Variants in NLRP3 observed in about 807,000 individuals in gnomAD.
The protein encoded by NLRP3 is NACHT, LRR and PYD domains-containing protein 3.
A neutral mutation model predicts 91.3 loss-of-function variants in NLRP3; 48 were observed. That is an observed-to-expected ratio of 0.53 (90% CI 0.42 to 0.67). The LOEUF is 0.67. Ranked by LOEUF, NLRP3 falls within the 30% of genes least tolerant of loss-of-function variation. NLRP3 has a pLI of 0.00. For missense variants in NLRP3, 982 were observed against 1,276.9 expected, an observed-to-expected ratio of 0.77 and a Z score of 3.52; for synonymous variants, 561 against 507.9, an observed-to-expected ratio of 1.10 and a Z score of -1.41.
rs765198709 is a variant in NLRP3 at position 247,425,507 on chromosome 1, C to T, written c.2058C>T (p.Pro686=). The part of the protein sequence containing the change: ...SLSLGFLHNM[P]KEEEEEEKEG... ...CCCTGGGGTTTCTCCATAACATGCC[C>T]AAGGAGGAAGAGGAGGAGGAAAAGG... Residue 686 remains proline (P), a synonymous_variant, in exon 4 of 10, where the codon CCC becomes CCT. Coordinates refer to ENST00000336119, the MANE Select transcript of NLRP3 (RefSeq NM_001243133.2). The surrounding 1 kb of genome is among the most constrained non-coding windows in gnomAD (Gnocchi z 4.1). The T allele has an allele frequency of 6.8e-6, 11 of 1,613,986 alleles. No homozygotes were observed. In the East Asian group the frequency reaches 2.2e-4, roughly 33 times the overall value.
chr1:247,426,096 A>G (rs528357698), intron 4 of NLRP3, among the ~76,000 whole-genome samples: 1 of 152,230 alleles, frequency 6.6e-6, no homozygotes, highest in Non-Finnish European at 1.5e-5. Context: ...AAGAAATTAA[A>G]GGAATTCTGC....
intron 4 of NLRP3, among the ~76,000 whole-genome samples, chr1:247,427,099 G>T (rs1169193360): frequency 6.6e-6 from 1 of 152,224 alleles, no homozygotes. Flanking sequence ...GGCTCTGGCA[G>T]ATCTGGTGTT....
At chr1:247,435,460 C>G (rs749395559) in intron 6 of NLRP3, among the ~76,000 whole-genome samples, 1 of 152,168 alleles carries the variant, frequency 6.6e-6, no homozygotes, top group Admixed American at 6.5e-5. Context: ...GTAAGATAAG[C>G]TAGACTCGAA....
intron 7 of NLRP3, among the ~76,000 whole-genome samples, chr1:247,440,119 G>C (rs937567526): frequency 2.0e-5 from 3 of 152,022 alleles, no homozygotes; most frequent in Non-Finnish European, 4.4e-5. Flanking sequence ...CTATGTGTTA[G>C]GTATAGCCTA....
At chr1:247,430,739 A>C (rs1663254411) in intron 5 of NLRP3, among the ~76,000 whole-genome samples, 1 of 152,062 alleles carries the variant, frequency 6.6e-6, no homozygotes, top group Admixed American at 6.6e-5. Flanking sequence ...GCCATTTACA[A>C]CAATGGCAAC....
chr1:247,428,805 T>TG (rs1663095257), intron 4 of NLRP3, among the ~76,000 whole-genome samples: 1 of 152,002 alleles, frequency 6.6e-6, no homozygotes, highest in Admixed American at 6.6e-5. Flanking sequence ...GGGTTTCATC[T>TG]GAAAAAAAAT....
intron 6 of NLRP3, among the ~76,000 whole-genome samples, chr1:247,435,049 C>T (rs539306743): frequency 2.0e-5 from 3 of 152,118 alleles, no homozygotes; most frequent in South Asian, 2.1e-4. Context: ...GTCGGGAGTT[C>T]GAGACTAGCC....
intron 4 of NLRP3, among the ~76,000 whole-genome samples, chr1:247,428,067 G>A (rs1048458045): frequency 8.4e-4 from 122 of 144,462 alleles, no homozygotes; most frequent in African/African-American, 3.1e-3. Flanking sequence ...AGCCCCGGTA[G>A]GAGGCTCAGC....
chr1:247,422,946 A>G (rs1022655628), intron 2 of NLRP3, among the ~76,000 whole-genome samples: 1 of 152,226 alleles, frequency 6.6e-6, no homozygotes, highest in African/African-American at 2.4e-5. Context: ...CCTGCTTCGC[A>G]TGTTTGCTGA....
At chr1:247,432,109 T>G (rs1295041097) in intron 5 of NLRP3, among the ~76,000 whole-genome samples, 1 of 152,220 alleles carries the variant, frequency 6.6e-6, no homozygotes, top group Non-Finnish European at 1.5e-5. Flanking sequence ...GGTCTCAAAC[T>G]CCTGACCTCG....
At chr1:247,435,129 G>A (rs1456027595) in intron 6 of NLRP3, among the ~76,000 whole-genome samples, 3 of 152,074 alleles carry the variant, frequency 2.0e-5, no homozygotes, top group Non-Finnish European at 4.4e-5. Flanking sequence ...GTGCATGCCT[G>A]TAATCCCAGT....
intron 2 of NLRP3, among the ~76,000 whole-genome samples, chr1:247,421,383 G>A (rs1217548177): frequency 1.3e-5 from 2 of 152,174 alleles, no homozygotes; most frequent in Non-Finnish European, 1.5e-5. Flanking sequence ...CTACTCAGGA[G>A]GCTAAGGCAG....
chr1:247,425,813 G>C lies in NLRP3; in HGVS notation c.2150+214G>C, dbSNP rs1183443212. The C allele has an allele frequency of 1.7e-6, 1 of 587,750 alleles. No individual in the cohort carries two copies. The highest frequency in any genetic ancestry group is 3.0e-6 in the Non-Finnish European group (1 of 330,138). The allele number at this position is 587,750 out of a possible 1,614,324, so 36.4% of individuals were successfully genotyped here. The stretch of plus-strand genomic sequence containing the variant: ...ATGAGGAAAAAAAAAATAAAACAAG[G>C]AACAAATGTTTGGGGAATGCCAGTT... On this transcript the variant is annotated intron_variant, in intron 4 of 9. Coordinates refer to ENST00000336119, the MANE Select transcript of NLRP3 (RefSeq NM_001243133.2). The surrounding 1 kb of genome is among the most constrained non-coding windows in gnomAD (Gnocchi z 4.1).
intron 9 of NLRP3, among the ~76,000 whole-genome samples, chr1:247,446,681 C>CT (rs56193345): frequency 1 from 151,957 of 152,280 alleles, 75,818 homozygotes; most frequent in Middle Eastern, 1. Context: ...AATAGAAGCA[C>CT]TTTTTCTTCT....
chr1:247,425,558 G>T lies in NLRP3; in HGVS notation c.2109G>T (p.Gln703His), dbSNP rs1662812160. ...AAGGCCGACACCTTGATATGGTGCAGTGTGTCCTCCCAAGCTCCTCTCATG... is the reference window on the plus strand; with the variant it reads ...AAGGCCGACACCTTGATATGGTGCATTGTGTCCTCCCAAGCTCCTCTCATG... ...EKEGRHLDMV[Q>H]CVLPSSSHAA... The change falls in exon 4 of 10, where the codon CAG (glutamine) becomes CAT (histidine). Residue 703 changes from glutamine (Q) to histidine (H), a missense_variant. Transcript: ENST00000336119. This position sits in a 1 kb window ranked among gnomAD's most constrained non-coding sequence, Gnocchi z 4.1. The T allele has an allele frequency of 1.9e-6, 3 of 1,611,278 alleles. No individual in the cohort carries two copies. Among genetic ancestry groups the T allele is most frequent in the Non-Finnish European group, 2.5e-6 (3 of 1,180,026 alleles).
At chr1:247,417,115 A>T (rs546262526) in intron 1 of NLRP3, among the ~76,000 whole-genome samples, 1 of 152,332 alleles carries the variant, frequency 6.6e-6, no homozygotes, top group South Asian at 2.1e-4. Flanking sequence ...CTGCAGTGAT[A>T]CACCTGTGAT....
rs1429997005 is a variant in NLRP3 at position 247,418,547 on chromosome 1, C to G, written c.-254C>G. The G allele has an allele frequency of 4.2e-6, 2 of 480,694 alleles. No homozygotes were observed. The highest frequency in any genetic ancestry group is 7.6e-6 in the Non-Finnish European group (2 of 263,378). 29.8% of individuals were successfully genotyped at this position (480,694 alleles called of 1,614,324 possible). A position where few individuals can be genotyped will look rare whatever the true frequency, so the allele number is the denominator to read the frequency against. The stretch of plus-strand genomic sequence containing the variant: ...GAATTCCTCAGCTCAGGTGATCTGC[C>G]TGCCTTGGCCTCTCAAAGTGCTGGG... On this transcript the variant is annotated 5_prime_UTR_variant, in exon 2 of 10. Transcript: ENST00000336119.
At chr1:247,447,075 T>C (rs1472287462) in intron 9 of NLRP3, among the ~76,000 whole-genome samples, 1 of 152,184 alleles carries the variant, frequency 6.6e-6, no homozygotes, top group Admixed American at 6.5e-5. Flanking sequence ...GATTGAAGAA[T>C]CCATGAATGC....
intron 2 of NLRP3, among the ~76,000 whole-genome samples, chr1:247,422,534 T>C (rs991108181): frequency 6.6e-6 from 1 of 152,164 alleles, no homozygotes; most frequent in Non-Finnish European, 1.5e-5. Context: ...AGTGACTGTT[T>C]GGATTTGTGA....
Sources: gnomAD v4.1 joint callset for allele counts (sites outside exome capture counted in the v4.1 genomes callset) on GRCh38, gnomAD v4.1.1 for gene constraint, Gnocchi (gnomAD v3.1) non-coding constraint, MANE v1.5 for transcripts, NCBI Gene and HGNC (gene_info 2026-07-23, HGNC 2026-07-21) for gene names.